The following PGM3 variants were observed in gnomAD, a reference collection of about 807,000 sequenced individuals.
PGM3 encodes phosphoacetylglucosamine mutase.
PGM3 carries 40 observed loss-of-function variants against 66.2 expected under a neutral mutation model. The ratio of observed to expected loss-of-function variants is 0.60; its 90% CI spans 0.47 to 0.79. The LOEUF (loss-of-function observed/expected upper bound fraction) is 0.79, where lower values mean the gene tolerates loss of function less well. PGM3 is among the 30% of genes least tolerant of loss of function. The pLI is 0.00. For missense variants in PGM3, 537 were observed against 643.4 expected, an observed-to-expected ratio of 0.83 and a Z score of 1.79; for synonymous variants, 191 against 224.2, an observed-to-expected ratio of 0.85 and a Z score of 1.32.
the PGM3 span, chr6:83,154,327 G>A: frequency 2.4e-6 from 3 of 1,239,516 alleles, no homozygotes; most frequent in Non-Finnish European, 3.5e-6. Context: ...TGGAGACTAG[G>A]AGACTACTGA....
In PGM3 at chr6:83,181,933, T is replaced by C; in HGVS notation, c.592-2A>G. On this transcript the variant is annotated splice_acceptor_variant, in intron 5 of 12. Transcript: ENST00000513973. LOFTEE classifies it high-confidence loss of function. Reference sequence around the variant, plus strand: ...GTATTCATCTCCACTGCAAGAAGCCTACAAAGGAAAAAGACACATGGAAGA... The same window carrying C: ...GTATTCATCTCCACTGCAAGAAGCCCACAAAGGAAAAAGACACATGGAAGA... 6.4e-7 allele frequency: 1 copy of C among 1,573,304 alleles called. No homozygotes were observed. The highest frequency in any genetic ancestry group is 2.2e-5 in the East Asian group (1 of 44,472).
intron 7 of PGM3, 126 bp downstream of exon 7, chr6:83,179,684 T>A (rs552697254): frequency 3.9e-5 from 27 of 692,450 alleles, no homozygotes; most frequent in Non-Finnish European, 5.8e-5. Flanking sequence ...GCTCTTTTTT[T>A]AATTTTCTGC....
At position 83,169,200 on chromosome 6, in the gene PGM3, A is replaced by C. The variant is rs1390077992; in HGVS notation, c.*34T>G. On this transcript the variant is annotated 3_prime_UTR_variant, in exon 13 of 13. Coordinates refer to ENST00000513973, the MANE Select transcript of PGM3 (RefSeq NM_015599.3). ...TTGACAGTTTTGTAAAGACTTGTAA[A>C]AAGTCCAGTTTCTCAGGAATATGAA... The C allele has an allele frequency of 1.2e-6, 2 of 1,612,638 alleles. No individual in the cohort carries two copies. Among genetic ancestry groups the C allele is most frequent in the East Asian group, 2.2e-5 (1 of 44,840 alleles).
chr6:83,189,041 G>C (rs1390025231), intron 2 of PGM3, among the ~76,000 whole-genome samples: 1 of 152,076 alleles, frequency 6.6e-6, no homozygotes, highest in African/African-American at 2.4e-5. Context: ...CAATCTTCGA[G>C]AAAACTGAGC....
chr6:83,174,612 GGCA>G, intron 9 of PGM3, 125 bp from the exon 10 acceptor site: 1 of 537,860 alleles, frequency 1.9e-6, no homozygotes, highest in South Asian at 2.8e-5. Flanking sequence ...GAAAAATAGT[GGCA>G]GCCTTAAAAT....
In PGM3 at chr6:83,190,923, C is replaced by T. The variant is rs771898439; in HGVS notation, c.90G>A (p.Thr30=). ...ILQYGTAGFR[T]KAEHLDHVMF... Reference sequence around the variant, plus strand: ...TGACATGATCAAGATGTTCTGCCTTCGTTCGAAATCCAGCAGTCCCGTATT... The same window carrying T: ...TGACATGATCAAGATGTTCTGCCTTTGTTCGAAATCCAGCAGTCCCGTATT... The change falls in exon 2 of 13, where the codon ACG becomes ACA. Residue 30 remains threonine (T), a synonymous_variant. Coordinates refer to ENST00000513973, the MANE Select transcript of PGM3 (RefSeq NM_015599.3). 20 of 1,613,992 alleles carry T rather than the reference C, an allele frequency of 1.2e-5. No individual in the cohort carries two copies. Among genetic ancestry groups the T allele is most frequent in the African/African-American group, 8.0e-5 (6 of 74,918 alleles).
chr6:83,157,592 C>T (rs1783085113), downstream of PGM3, among the ~76,000 whole-genome samples: 1 of 152,190 alleles, frequency 6.6e-6, no homozygotes, highest in Non-Finnish European at 1.5e-5. Flanking sequence ...TACTACACTA[C>T]ATTTTTAACT....
the PGM3 span, chr6:83,153,510 G>A: frequency 6.3e-7 from 1 of 1,588,210 alleles, no homozygotes; most frequent in Non-Finnish European, 8.6e-7. Context: ...TGTTTTCATA[G>A]GTTTTGGCTC....
At chr6:83,150,312 G>C in the PGM3 span, among the ~76,000 whole-genome samples, 1 of 152,098 alleles carries the variant, frequency 6.6e-6, no homozygotes, top group African/African-American at 2.4e-5. Flanking sequence ...TACAGGTGTT[G>C]GAATCATCAC....
At chr6:83,159,612 CAAA>C (rs1264336111), downstream of PGM3, 3 of 699,874 alleles carry the variant, frequency 4.3e-6, no homozygotes, top group South Asian at 3.8e-5. Context: ...TTTGCATTCT[CAAA>C]GAAGAAAAGT....
intron 12 of PGM3, chr6:83,169,634 G>A (rs912492919): frequency 8.4e-6 from 4 of 474,156 alleles, no homozygotes; most frequent in African/African-American, 2.0e-5. Context: ...CAGTAAGTAA[G>A]TACTAATGCC....
intron 9 of PGM3, among the ~76,000 whole-genome samples, chr6:83,174,839 G>C (rs1583266147): frequency 1.3e-5 from 2 of 152,292 alleles, no homozygotes; most frequent in East Asian, 3.9e-4. Context: ...GAGCCTGTCT[G>C]TATCCTTTTT....
At chr6:83,177,424 C>T (rs1583271780) in intron 8 of PGM3, among the ~76,000 whole-genome samples, 2 of 151,996 alleles carry the variant, frequency 1.3e-5, no homozygotes, top group East Asian at 1.9e-4. Flanking sequence ...CAGAATCTCC[C>T]ACCACCCCAG....
downstream of PGM3, among the ~76,000 whole-genome samples, chr6:83,163,983 G>A (rs1784831527): frequency 2.6e-5 from 4 of 151,334 alleles, no homozygotes; most frequent in Admixed American, 2.0e-4. Flanking sequence ...CAATGAAACT[G>A]GTATGCTCAC....
At chr6:83,156,494 C>G (rs946399383), downstream of PGM3, among the ~76,000 whole-genome samples, 1 of 152,176 alleles carries the variant, frequency 6.6e-6, no homozygotes. Flanking sequence ...ACCTGGAGAT[C>G]TGTAATTTGG....
chr6:83,178,687 C>T lies in PGM3; in HGVS notation c.1015G>A (p.Glu339Lys). ...TGGTTCAATACCTTCATAACTTCTT[C>T]AAGATACCGTGTTGAACTTCCATTT... is the stretch of plus-strand genomic sequence containing the variant. ...YANGSSTRYL[E>K]EVMKVPVYCT... The change falls in exon 8 of 13, where the codon GAA becomes AAA. Residue 339 changes from glutamate (E) to lysine (K), a missense_variant. Physicochemically the swap from Glu to Lys is moderately conservative, Grantham distance 56 (BLOSUM62 1). Coordinates refer to ENST00000513973, the MANE Select transcript of PGM3 (RefSeq NM_015599.3). 6.3e-7 allele frequency: 1 copy of T among 1,594,674 alleles called. No homozygotes were observed. Among genetic ancestry groups the T allele is most frequent in the Non-Finnish European group, 8.6e-7 (1 of 1,162,608 alleles).
downstream of PGM3, chr6:83,164,634 G>A (rs1433759428): frequency 3.2e-6 from 5 of 1,556,854 alleles, no homozygotes; most frequent in East Asian, 2.4e-5. Context: ...AACAAAGGCT[G>A]TGAGTTCTCC....
chr6:83,188,597 G>A lies in PGM3; in HGVS notation c.389+17C>T, dbSNP rs754045568. 4 of 1,566,768 alleles carry A rather than the reference G, an allele frequency of 2.6e-6. No individual in the cohort carries two copies. In the Admixed American group the frequency reaches 5.3e-5, roughly 21 times the overall value. ...TTCCCAAAGGTTTTTTTTTTTACCAGTAACTCTTATCATCACCTGGTATCT... is the reference window on the plus strand; with the variant it reads ...TTCCCAAAGGTTTTTTTTTTTACCAATAACTCTTATCATCACCTGGTATCT... On this transcript the variant is annotated intron_variant, in intron 3 of 12. Coordinates refer to ENST00000513973, the MANE Select transcript of PGM3 (RefSeq NM_015599.3).
At chr6:83,151,669 T>C in the PGM3 span, 1 of 1,593,906 alleles carries the variant, frequency 6.3e-7, no homozygotes, top group Middle Eastern at 1.7e-4. Context: ...GGTAAGGCAG[T>C]CTAAGAGCTG....
Sources: gnomAD v4.1 joint callset for allele counts (sites outside exome capture counted in the v4.1 genomes callset) on GRCh38, gnomAD v4.1.1 for gene constraint, MANE v1.5 for transcripts, NCBI Gene and HGNC (gene_info 2026-07-23, HGNC 2026-07-21) for gene names.